The following UTP18 variants were observed in gnomAD, a reference collection of about 807,000 sequenced individuals.
UTP18 encodes UTP18 small subunit processome component, also known as U3 small nucleolar RNA-associated protein 18 homolog.
Under a neutral mutation model 61.1 loss-of-function variants are expected in UTP18, and 36 were observed. The observed-to-expected ratio is 0.59, with a 90% CI of 0.45 to 0.78. The LOEUF (loss-of-function observed/expected upper bound fraction) is 0.78. UTP18 is among the 30% of genes least tolerant of loss of function. UTP18 has a pLI of 0.00. For missense variants in UTP18, 753 were observed against 693.9 expected (o/e 1.09, Z -0.96); for synonymous variants, 282 against 251.1 (o/e 1.12, Z -1.16).
intron 1 of UTP18, among the ~76,000 whole-genome samples, chr17:51,261,580 G>T (rs1047396949): frequency 1.3e-5 from 2 of 152,094 alleles, no homozygotes; most frequent in African/African-American, 4.8e-5. Context: ...ACACAGCAAT[G>T]GACAAAACTG....
chr17:51,263,162 A>G (rs2055524856), intron 1 of UTP18, 112 bp from the exon 2 acceptor site: 2 of 813,718 alleles, frequency 2.5e-6, no homozygotes, highest in African/African-American at 1.7e-5. Context: ...CCATTATTTC[A>G]TCAGAGAGTG....
intron 11 of UTP18, 25 bp from the exon 12 acceptor site, chr17:51,293,878 T>A (rs760004619): frequency 2.3e-5 from 34 of 1,506,586 alleles, no homozygotes; most frequent in Non-Finnish European, 2.9e-5. Flanking sequence ...TGTTACACTT[T>A]AAAGTTTTTT....
chr17:51,268,776 A>C, intron 3 of UTP18, 61 bp from the exon 4 acceptor site: 2 of 1,398,668 alleles, frequency 1.4e-6, no homozygotes, highest in South Asian at 2.4e-5. Flanking sequence ...CTTTAAATGT[A>C]TCAAGCTTTA....
rs1179536193 is a variant in UTP18, at chr17:51,280,479, G to C, written c.1204G>C (p.Gly402Arg). Residue 402 changes from glycine (G) to arginine (R), a missense_variant and splice_region_variant, in exon 9 of 14, where the codon GGG becomes CGG. Coordinates refer to ENST00000225298, the MANE Select transcript of UTP18 (RefSeq NM_016001.3). ...TAGTAAGAAAGTATACGCCTCTTCG[G>C]GTAAGACAACGACATGAAAGAAGCT... ...SDSKKVYASS[G>R]DGEVYVWDVN... is the part of the protein sequence containing the mutation. 1.2e-6 allele frequency: 2 copies of C among 1,613,702 alleles called. No individual in the cohort carries two copies. Among genetic ancestry groups the C allele is most frequent in the South Asian group, 2.2e-5 (2 of 91,018 alleles).
At chr17:51,280,305 G>A in intron 8 of UTP18, 84 bp from the exon 9 acceptor site, 1 of 1,464,850 alleles carries the variant, frequency 6.8e-7, no homozygotes, top group Non-Finnish European at 9.3e-7. Flanking sequence ...CTAGAAAATA[G>A]AGAACTAGGT....
intron 9 of UTP18, among the ~76,000 whole-genome samples, chr17:51,281,473 C>T (rs190155890): frequency 3.8e-4 from 58 of 151,918 alleles, no homozygotes; most frequent in Middle Eastern, 3.4e-3. Context: ...CTTCAGGGGG[C>T]AAAGGAAAAA....
rs1555555693 is a variant in UTP18, at chr17:51,281,164, A to ATTT, written c.1204+691_1204+693dup. Among the ~76,000 whole-genome samples, 420 of 140,414 alleles carry ATTT rather than the reference A, an allele frequency of 3.0e-3. 2 individuals are homozygous for ATTT. Among genetic ancestry groups the ATTT allele is most frequent in the African/African-American group, 7.3e-3 (272 of 37,366 alleles). The allele number at this position is 140,414 out of a possible 152,430, so 92.1% of individuals were successfully genotyped here. A position where few individuals can be genotyped will look rare whatever the true frequency, so the allele number is the denominator to read the frequency against. ...AAAATATATATATATATATATATAT[A>ATTT]TTTTTTTTAAACGAAAAGTTGTGTT... On this transcript the variant is annotated intron_variant, in intron 9 of 13. Transcript: ENST00000225298.
intron 9 of UTP18, among the ~76,000 whole-genome samples, chr17:51,284,246 T>A (rs978138603): frequency 6.6e-6 from 1 of 152,198 alleles, no homozygotes; most frequent in African/African-American, 2.4e-5. Context: ...AAGGGTGAAC[T>A]TTAGAGCAAT....
At chr17:51,287,411 A>G (rs1471594804) in intron 10 of UTP18, among the ~76,000 whole-genome samples, 1 of 152,210 alleles carries the variant, frequency 6.6e-6, no homozygotes, top group East Asian at 1.9e-4. Flanking sequence ...TCACCAGGAC[A>G]GTAGGAATGG....
At chr17:51,273,555 A>T in intron 5 of UTP18, 105 bp downstream of exon 5, 1 of 755,058 alleles carries the variant, frequency 1.3e-6, no homozygotes, top group Non-Finnish European at 2.0e-6. Context: ...GTGGGGTTAA[A>T]TATGTTTGCT....
At position 51,273,383 on chromosome 17, in the gene UTP18, A is replaced by G; in HGVS notation, c.644A>G (p.Asp215Gly). Reference protein sequence around the residue: ...SSDDESEEDEDDLLQRTGNFI... With the variant: ...SSDDESEEDEGDLLQRTGNFI... ...TTAGATGAAAGTGAAGAGGATGAAG[A>G]TGATTTGTTGCAAAGGACTGGGAAT... Residue 215 changes from aspartate to glycine, a missense_variant, in exon 5 of 14, where the codon GAT becomes GGT. By Grantham distance (94) the Asp-to-Gly change is moderately conservative (BLOSUM62 -1). Coordinates refer to ENST00000225298, the MANE Select transcript of UTP18 (RefSeq NM_016001.3). 6.2e-7 allele frequency: 1 copy of G among 1,610,668 alleles called. No homozygotes were observed. Among genetic ancestry groups the G allele is most frequent in the South Asian group, 1.1e-5 (1 of 90,642 alleles).
At chr17:51,291,403 C>A (rs1267683831) in intron 11 of UTP18, among the ~76,000 whole-genome samples, 3 of 151,896 alleles carry the variant, frequency 2.0e-5, no homozygotes, top group Non-Finnish European at 4.4e-5. Context: ...AAACAATTCC[C>A]CTCCTTTTCC....
chr17:51,268,928 A>T lies in UTP18; in HGVS notation c.622+24A>T. On this transcript the variant is annotated intron_variant, in intron 4 of 13. Transcript: ENST00000225298. The stretch of plus-strand genomic sequence containing the variant: ...TGGTGAGCGTTGATATTTCTGTTTA[A>T]ATTAGTACATAAGTCCCTGTTCCTG... 4 of 1,605,028 alleles carry T rather than the reference A, an allele frequency of 2.5e-6. No individual in the cohort carries two copies. In the South Asian group the frequency reaches 4.4e-5, roughly 18 times the overall value.
At chr17:51,288,532 CA>C (rs1216369219) in intron 11 of UTP18, 1 of 463,222 alleles carries the variant, frequency 2.2e-6, no homozygotes, top group Non-Finnish European at 4.3e-6. Flanking sequence ...TTTCTTTCCT[CA>C]TTTACCTTTT....
intron 2 of UTP18, among the ~76,000 whole-genome samples, chr17:51,263,988 A>G (rs1003956980): frequency 1.3e-5 from 2 of 151,698 alleles, no homozygotes; most frequent in Admixed American, 6.6e-5. Flanking sequence ...TGAATTAACC[A>G]TAATTTACGT....
intron 10 of UTP18, among the ~76,000 whole-genome samples, chr17:51,286,875 G>GTT (rs1360986545): frequency 6.6e-6 from 1 of 151,778 alleles, no homozygotes; most frequent in Non-Finnish European, 1.5e-5. Context: ...TGTGCATAAC[G>GTT]TGCAGGTTTG....
At chr17:51,262,466 CTTAT>C (rs2055516085) in intron 1 of UTP18, among the ~76,000 whole-genome samples, 1 of 152,054 alleles carries the variant, frequency 6.6e-6, no homozygotes, top group Non-Finnish European at 1.5e-5. Context: ...TTATTTTTTA[CTTAT>C]TTAGAGATAC....
chr17:51,293,454 A>T (rs1597855322), intron 11 of UTP18, among the ~76,000 whole-genome samples: 1 of 151,134 alleles, frequency 6.6e-6, no homozygotes, highest in African/African-American at 2.4e-5. Flanking sequence ...GGACGGTTTG[A>T]TTGTGGCCCA....
intron 6 of UTP18, 122 bp from the exon 7 acceptor site, chr17:51,277,008 A>C (rs376890315): frequency 9.9e-7 from 1 of 1,012,854 alleles, no homozygotes. Flanking sequence ...GTGGCTGCTT[A>C]AGTCAGCCTT....
Sources: allele counts gnomAD v4.1 joint callset (sites outside exome capture counted in the v4.1 genomes callset), GRCh38; gene constraint gnomAD v4.1.1; transcripts MANE v1.5; gene names NCBI Gene and HGNC (gene_info 2026-07-23, HGNC 2026-07-21).